AMBRA1: variants seen among roughly 807,000 people sequenced by gnomAD.
AMBRA1 encodes the protein autophagy and beclin 1 regulator 1.
In AMBRA1, 47 loss-of-function variants were observed where a neutral mutation model predicts 125.4. The observed-to-expected ratio is 0.37, with a 90% confidence interval of 0.30 to 0.48. The LOEUF (loss-of-function observed/expected upper bound fraction) is 0.48. Among genes scored for constraint, AMBRA1 ranks in the 20% least tolerant of loss-of-function variants. The pLI is 0.99. For missense variants in AMBRA1, 1,331 were observed against 1,693.4 expected (o/e 0.79, Z 3.76); for synonymous variants, 626 against 655.5 (o/e 0.95, Z 0.69).
chr11:46,494,010 G>T, intron 10 of AMBRA1, 114 bp downstream of exon 10: 1 of 1,008,378 alleles, frequency 9.9e-7, no homozygotes, highest in Non-Finnish European at 1.5e-6. Context: ...TGGGCTATGG[G>T]CCCACTAGGA....
chr11:46,464,267 T>C (rs1397834488), intron 11 of AMBRA1, among the ~76,000 whole-genome samples: 1 of 152,170 alleles, frequency 6.6e-6, no homozygotes, highest in African/African-American at 2.4e-5. Flanking sequence ...GATGCAGCAA[T>C]TAGAGAATGC....
intron 12 of AMBRA1, among the ~76,000 whole-genome samples, chr11:46,440,498 C>G (rs1947950900): frequency 6.6e-6 from 1 of 152,076 alleles, no homozygotes; most frequent in Non-Finnish European, 1.5e-5. Context: ...CTGTATTAAT[C>G]TTTTATATTT....
chr11:46,492,300 T>C (rs570527687), intron 11 of AMBRA1, among the ~76,000 whole-genome samples: 89 of 152,256 alleles, frequency 5.8e-4, no homozygotes, highest in African/African-American at 2.1e-3. Context: ...AAACATACTA[T>C]TTAGGAAAGG....
intron 14 of AMBRA1, among the ~76,000 whole-genome samples, chr11:46,429,571 T>C (rs1222309635): frequency 6.6e-6 from 1 of 152,200 alleles, no homozygotes; most frequent in Admixed American, 6.5e-5. Context: ...TCTGCCCCTA[T>C]TCCTAAGTAA....
intron 1 of AMBRA1, among the ~76,000 whole-genome samples, chr11:46,593,549 C>T (rs1346540220): frequency 6.6e-6 from 1 of 152,176 alleles, no homozygotes; most frequent in Non-Finnish European, 1.5e-5. Context: ...TCTATCGGTT[C>T]CTGGAAAGCC....
At chr11:46,519,181 G>A (rs1038167002) in intron 7 of AMBRA1, among the ~76,000 whole-genome samples, 7 of 152,132 alleles carry the variant, frequency 4.6e-5, no homozygotes, top group Non-Finnish European at 1.0e-4. Context: ...GCACCACCAA[G>A]CCTGGCTAAT....
rs987740348 is a variant in AMBRA1 at position 46,408,762 on chromosome 11, A to G, written c.3210-56T>C. On this transcript the variant is annotated intron_variant, in intron 16 of 17. Coordinates refer to ENST00000683756, the MANE Select transcript of AMBRA1 (RefSeq NM_001387011.1). ...TGGGGCTTGGGACAGCACCCCTCAC[A>G]GCACTCTGCTGGCTCTGTGCCAATC... 52 of 1,457,486 alleles carry G rather than the reference A, an allele frequency of 3.6e-5. No individual in the cohort carries two copies. The African/African-American group carries it at 7.1e-4, about 20-fold the overall frequency. The allele number at this position is 1,457,486 out of a possible 1,614,324, so 90.3% of individuals were successfully genotyped here.
chr11:46,445,341 T>C (rs765339767), intron 11 of AMBRA1, among the ~76,000 whole-genome samples: 10 of 152,136 alleles, frequency 6.6e-5, no homozygotes, highest in Non-Finnish European at 1.2e-4. Context: ...ATGCTCTCCC[T>C]GAGACCTGAG....
chr11:46,462,714 C>T (rs1227696204), intron 11 of AMBRA1, among the ~76,000 whole-genome samples: 1 of 152,006 alleles, frequency 6.6e-6, no homozygotes, highest in Non-Finnish European at 1.5e-5. Flanking sequence ...CCCTTCATCC[C>T]TCATCTCCCC....
intron 1 of AMBRA1, chr11:46,590,976 A>G (rs1225526274): frequency 3.3e-5 from 5 of 152,156 alleles, no homozygotes; most frequent in Non-Finnish European, 5.9e-5. Flanking sequence ...ACAAAGCATG[A>G]GATAAGTTGA....
intron 1 of AMBRA1, among the ~76,000 whole-genome samples, chr11:46,584,404 A>G (rs1487490841): frequency 3.4e-5 from 5 of 147,750 alleles, no homozygotes; most frequent in Admixed American, 6.7e-5. Flanking sequence ...GGATAGCATT[A>G]GGAGATATAC....
At chr11:46,475,218 A>G (rs1281259417) in intron 11 of AMBRA1, among the ~76,000 whole-genome samples, 5 of 152,256 alleles carry the variant, frequency 3.3e-5, no homozygotes, top group African/African-American at 1.2e-4. Flanking sequence ...CTTGGAATGC[A>G]AAGTATTAAT....
At chr11:46,420,242 C>A (rs1946787928) in intron 14 of AMBRA1, among the ~76,000 whole-genome samples, 1 of 152,112 alleles carries the variant, frequency 6.6e-6, no homozygotes, top group Admixed American at 6.5e-5. Flanking sequence ...CGTTAAGGCT[C>A]CTTAAATCTT....
chr11:46,507,916 C>T (rs1951114783), intron 9 of AMBRA1, among the ~76,000 whole-genome samples: 1 of 152,108 alleles, frequency 6.6e-6, no homozygotes. Context: ...AAATGTTGCC[C>T]GAGGAGCAAC....
chr11:46,433,908 G>A (rs1947578956), intron 13 of AMBRA1, among the ~76,000 whole-genome samples: 2 of 152,186 alleles, frequency 1.3e-5, no homozygotes, highest in East Asian at 3.9e-4. Flanking sequence ...CTGAGGTAGG[G>A]AGTTTGAGAC....
chr11:46,410,903 C>T (rs182083178), intron 15 of AMBRA1, among the ~76,000 whole-genome samples: 1 of 152,274 alleles, frequency 6.6e-6, no homozygotes, highest in East Asian at 1.9e-4. Flanking sequence ...AAGATCAAGA[C>T]CATCCTGGCC....
chr11:46,436,206 C>G (rs1180068064), intron 12 of AMBRA1, among the ~76,000 whole-genome samples: 1 of 152,196 alleles, frequency 6.6e-6, no homozygotes, highest in Admixed American at 6.5e-5. Context: ...AAGTCAAGGG[C>G]AAGTTTCCCT....
At chr11:46,471,509 T>C (rs549021024) in intron 11 of AMBRA1, among the ~76,000 whole-genome samples, 2 of 151,746 alleles carry the variant, frequency 1.3e-5, no homozygotes, top group Admixed American at 6.6e-5. Flanking sequence ...ACCTGGGAGA[T>C]GGAGGTTGCA....
intron 1 of AMBRA1, among the ~76,000 whole-genome samples, chr11:46,573,755 C>T (rs543324351): frequency 0.024 from 3,513 of 149,074 alleles, 56 homozygotes; most frequent in African/African-American, 0.036. Context: ...CATGCTGGTG[C>T]GCTGCACCCA....
Sources: gnomAD v4.1 joint callset for allele counts (sites outside exome capture counted in the v4.1 genomes callset) on GRCh38, gnomAD v4.1.1 for gene constraint, MANE v1.5 for transcripts, NCBI Gene and HGNC (gene_info 2026-07-23, HGNC 2026-07-21) for gene names.